CAMK1D: variants seen among roughly 807,000 people sequenced by gnomAD.
CAMK1D encodes calcium/calmodulin-dependent protein kinase type 1D.
In CAMK1D, 9 loss-of-function variants were observed where a neutral mutation model predicts 47.7. The observed-to-expected ratio is 0.19, with a 90% confidence interval of 0.11 to 0.33. The LOEUF (loss-of-function observed/expected upper bound fraction) is 0.33. CAMK1D is among the 10% of genes least tolerant of loss of function. The probability of loss-of-function intolerance (pLI) is 1.00; values close to 1 mark genes in which losing one functional copy is unlikely to be tolerated. For missense variants in CAMK1D, 291 were observed against 488.7 expected, an observed-to-expected ratio of 0.60 and a Z score of 3.81; for synonymous variants, 184 against 184.9, an observed-to-expected ratio of 0.99 and a Z score of 0.04.
intron 1 of CAMK1D, among the ~76,000 whole-genome samples, chr10:12,369,775 A>C (rs532539565): frequency 1.3e-5 from 2 of 152,196 alleles, no homozygotes; most frequent in Admixed American, 1.3e-4. Context: ...CCTGGCCAAC[A>C]TGGTGAAACC....
Position 12,475,569 on chromosome 10 carries a change from G to A in CAMK1D, c.93-77656G>A, listed in dbSNP as rs181831533. Among the ~76,000 whole-genome samples the A allele has an allele frequency of 1.5e-3, 229 of 152,224 alleles. 1 individual carries two copies. The highest frequency in any genetic ancestry group is 5.3e-3 in the African/African-American group (219 of 41,528). ...TTGCTTCTACCTGTTGGCTATTGTG[G>A]GTAATGCTGTTGTGAACATGAGTGT... On this transcript the variant is annotated intron_variant, in intron 1 of 10. Coordinates refer to ENST00000619168, the MANE Select transcript of CAMK1D (RefSeq NM_153498.4).
chr10:12,558,211 T>C (rs970168444), intron 2 of CAMK1D, among the ~76,000 whole-genome samples: 2 of 152,240 alleles, frequency 1.3e-5, no homozygotes, highest in African/African-American at 4.8e-5. Flanking sequence ...TTACAGAGTT[T>C]ATGATTTCTG....
At chr10:12,573,705 G>A (rs1328776739) in intron 2 of CAMK1D, among the ~76,000 whole-genome samples, 1 of 151,158 alleles carries the variant, frequency 6.6e-6, no homozygotes, top group Non-Finnish European at 1.5e-5. Flanking sequence ...CCAGGCTGGA[G>A]TGCAGTGGCC....
At chr10:12,458,420 T>A (rs1298361277) in intron 1 of CAMK1D, among the ~76,000 whole-genome samples, 4 of 150,936 alleles carry the variant, frequency 2.7e-5, no homozygotes, top group Admixed American at 6.7e-5. Context: ...AGTATTTTTT[T>A]AATTTTATTT....
chr10:12,756,849 AC>A (rs1447737422), intron 3 of CAMK1D, among the ~76,000 whole-genome samples: 2 of 152,182 alleles, frequency 1.3e-5, no homozygotes, highest in East Asian at 3.9e-4. Context: ...AATGGCGTGA[AC>A]CCAGGGAGCT....
intron 6 of CAMK1D, among the ~76,000 whole-genome samples, chr10:12,806,987 C>T (rs1588951757): frequency 1.3e-5 from 2 of 152,334 alleles, no homozygotes; most frequent in South Asian, 4.1e-4. Context: ...CAGATCAGGT[C>T]TGTAGAGGGT....
chr10:12,761,172 G>A (rs964698033), intron 4 of CAMK1D, 86 bp downstream of exon 4: 1 of 1,496,558 alleles, frequency 6.7e-7, no homozygotes, highest in South Asian at 1.2e-5. Context: ...GTGGGGGCAT[G>A]CAGCTGCTCT....
At chr10:12,781,917 G>A (rs1411615940) in intron 5 of CAMK1D, among the ~76,000 whole-genome samples, 1 of 151,808 alleles carries the variant, frequency 6.6e-6, no homozygotes, top group Non-Finnish European at 1.5e-5. Flanking sequence ...CAAAGTGCTG[G>A]GATTACAGGC....
At chr10:12,806,710 G>A (rs533554084) in intron 6 of CAMK1D, among the ~76,000 whole-genome samples, 1 of 152,178 alleles carries the variant, frequency 6.6e-6, no homozygotes, top group African/African-American at 2.4e-5. Context: ...GACCTAATGT[G>A]TAATCAGCTA....
At chr10:12,658,255 A>C (rs1840173016) in intron 2 of CAMK1D, among the ~76,000 whole-genome samples, 1 of 152,192 alleles carries the variant, frequency 6.6e-6, no homozygotes, top group Admixed American at 6.5e-5. Context: ...TGAGTCTTAA[A>C]GGATGAGTAT....
chr10:12,673,220 T>C (rs1348403155), intron 3 of CAMK1D, among the ~76,000 whole-genome samples: 1 of 127,180 alleles, frequency 7.9e-6, no homozygotes, highest in Non-Finnish European at 1.8e-5. Flanking sequence ...TTGTTTGAGC[T>C]TACGTTGAAT....
At chr10:12,551,947 A>T (rs528154338) in intron 1 of CAMK1D, among the ~76,000 whole-genome samples, 5 of 152,136 alleles carry the variant, frequency 3.3e-5, no homozygotes, top group Non-Finnish European at 5.9e-5. Context: ...TGGACACGGG[A>T]ACGTTGGTTT....
rs113985760 is a variant in CAMK1D, at chr10:12,524,552, A to G, written c.93-28673A>G. On this transcript the variant is annotated intron_variant, in intron 1 of 10. Coordinates refer to ENST00000619168, the MANE Select transcript of CAMK1D (RefSeq NM_153498.4). ...GAAAACCCGTCTCTACTAAAAATAC[A>G]AAAAATTAGCTGAGTGTGATGGCGG... Among the ~76,000 whole-genome samples the G allele has an allele frequency of 7.5e-3, 1,142 of 152,106 alleles. 14 individuals carry two copies. Among genetic ancestry groups the G allele is most frequent in the African/African-American group, 0.026 (1,092 of 41,536 alleles).
At chr10:12,673,743 C>G (rs1189525498) in intron 3 of CAMK1D, among the ~76,000 whole-genome samples, 1 of 151,952 alleles carries the variant, frequency 6.6e-6, no homozygotes, top group Admixed American at 6.6e-5. Flanking sequence ...TTTTTGCCTC[C>G]ATTAGTTATC....
Position 12,381,185 on chromosome 10 carries a change from G to A in CAMK1D, c.92+31275G>A, listed in dbSNP as rs192196951. ...TTTGTACATACATTGAGCAGTGACA[G>A]CGGGCCCCGCCCCTTATAAAGTTGT... On this transcript the variant is annotated intron_variant, in intron 1 of 10. Coordinates refer to ENST00000619168, the MANE Select transcript of CAMK1D (RefSeq NM_153498.4). Among the ~76,000 whole-genome samples, 223 of 152,350 alleles carry A rather than the reference G, an allele frequency of 1.5e-3. 1 individual carries two copies. Among genetic ancestry groups the A allele is most frequent in the African/African-American group, 5.1e-3 (213 of 41,580 alleles).
At chr10:12,588,466 G>A (rs927009611) in intron 2 of CAMK1D, among the ~76,000 whole-genome samples, 2 of 152,094 alleles carry the variant, frequency 1.3e-5, no homozygotes, top group Non-Finnish European at 2.9e-5. Flanking sequence ...AATTGTTTTG[G>A]GATTTGTGAC....
chr10:12,778,150 A>G (rs1837345156), intron 5 of CAMK1D, among the ~76,000 whole-genome samples: 1 of 152,238 alleles, frequency 6.6e-6, no homozygotes, highest in Admixed American at 6.5e-5. Context: ...GTTGGTTTCA[A>G]TTTGTGAATC....
rs116898974 is a variant in CAMK1D, at chr10:12,655,638, G to A, written c.225-11098G>A. Among the ~76,000 whole-genome samples the A allele has an allele frequency of 4.5e-3, 681 of 152,286 alleles. 1 individual carries two copies. Among genetic ancestry groups the A allele is most frequent in the Non-Finnish European group, 7.0e-3 (479 of 68,018 alleles). ...TGATATGTGCTGGATTTTTCACACT[G>A]GATTTTTCACACTGAACTGGACCTA... On this transcript the variant is annotated intron_variant, in intron 2 of 10. Transcript: ENST00000619168.
chr10:12,495,146 A>G (rs1341981147), intron 1 of CAMK1D, among the ~76,000 whole-genome samples: 3 of 152,248 alleles, frequency 2.0e-5, no homozygotes, highest in East Asian at 1.9e-4. Flanking sequence ...TGGTTATTCC[A>G]GGTGAATTCT....
Sources: allele counts gnomAD v4.1 joint callset (sites outside exome capture counted in the v4.1 genomes callset), GRCh38; gene constraint gnomAD v4.1.1; transcripts MANE v1.5; gene names NCBI Gene and HGNC (gene_info 2026-07-23, HGNC 2026-07-21).